The following COMMD1 variants were observed in gnomAD, a reference collection of about 807,000 sequenced individuals.
COMMD1 encodes the protein copper metabolism domain containing 1.
In COMMD1, 10 loss-of-function variants were observed where a neutral mutation model predicts 17.2. The observed-to-expected ratio is 0.58, with a 90% CI of 0.36 to 0.99. COMMD1 has a LOEUF of 0.99. Ranked by LOEUF, COMMD1 falls within the 50% of genes least tolerant of loss-of-function variation. The pLI, the probability that COMMD1 is intolerant of heterozygous loss-of-function variation, is 0.01. For missense variants in COMMD1, 270 were observed against 231.8 expected (o/e 1.17, Z -1.07); for synonymous variants, 97 against 91.6 (o/e 1.06, Z -0.34).
At chr2:61,903,269 C>T (rs963993700), upstream of COMMD1, among the ~76,000 whole-genome samples, 11 of 151,960 alleles carry the variant, frequency 7.2e-5, no homozygotes, top group African/African-American at 2.4e-4. Flanking sequence ...CATGGTGAAA[C>T]CCCTTCTCTA....
chr2:62,077,914 C>G (rs773247562), intron 2 of COMMD1, among the ~76,000 whole-genome samples: 85 of 152,160 alleles, frequency 5.6e-4, no homozygotes, highest in Non-Finnish European at 9.3e-4. Flanking sequence ...TAAAATTCTT[C>G]TGTTTGACAA....
intron 2 of COMMD1, among the ~76,000 whole-genome samples, chr2:62,072,376 C>G (rs138272544): frequency 1.7e-3 from 263 of 152,280 alleles, no homozygotes; most frequent in African/African-American, 6.2e-3. Flanking sequence ...CTCCCCCATT[C>G]TGAGCCCATA....
chr2:61,895,901 C>T (rs959237732), intron 1 of COMMD1, among the ~76,000 whole-genome samples: 7 of 151,966 alleles, frequency 4.6e-5, no homozygotes, highest in Non-Finnish European at 8.8e-5. Context: ...TCCAGTCCAC[C>T]CATGGACCAG....
At chr2:61,952,886 A>G (rs1195023221) in intron 1 of COMMD1, among the ~76,000 whole-genome samples, 1 of 152,222 alleles carries the variant, frequency 6.6e-6, no homozygotes, top group East Asian at 1.9e-4. Flanking sequence ...GTGTATGTTC[A>G]ACTTTTAAAG....
At chr2:61,903,443 CAA>C (rs773444105), upstream of COMMD1, among the ~76,000 whole-genome samples, 15 of 109,924 alleles carry the variant, frequency 1.4e-4, no homozygotes, top group Non-Finnish European at 1.4e-4. Context: ...AACTTTGTCT[CAA>C]AAAAAAAAAA....
chr2:62,117,122 A>T (rs1251437268), intron 2 of COMMD1, among the ~76,000 whole-genome samples: 2 of 152,106 alleles, frequency 1.3e-5, no homozygotes, highest in African/African-American at 4.8e-5. Flanking sequence ...CCACAGAAAG[A>T]TAGAAGGAAT....
intron 2 of COMMD1, among the ~76,000 whole-genome samples, chr2:62,063,868 A>AGT (rs1670947199): frequency 1.2e-5 from 1 of 81,176 alleles, no homozygotes; most frequent in South Asian, 4.3e-4. Context: ...GTCTCTACAA[A>AGT]ATATATATAT....
chr2:61,889,669 G>A (rs1338579507), intron 1 of COMMD1, among the ~76,000 whole-genome samples: 2 of 152,078 alleles, frequency 1.3e-5, no homozygotes, highest in African/African-American at 4.8e-5. Context: ...AGAAAAGGGA[G>A]ATTTGGAATG....
chr2:62,029,000 T>C (rs1252612041), intron 2 of COMMD1, among the ~76,000 whole-genome samples: 1 of 152,176 alleles, frequency 6.6e-6, no homozygotes, highest in African/African-American at 2.4e-5. Flanking sequence ...TAGGAAGATA[T>C]GGTTGACTCT....
chr2:61,937,911 G>A (rs775105223), intron 1 of COMMD1, among the ~76,000 whole-genome samples: 4 of 152,076 alleles, frequency 2.6e-5, no homozygotes, highest in Non-Finnish European at 4.4e-5. Flanking sequence ...GATTTGGAGG[G>A]TCTGACCTTG....
chr2:62,000,913 G>T lies in COMMD1; in HGVS notation c.393G>T (p.Gln131His), dbSNP rs1171291356. The change falls in exon 2 of 3, where the codon CAG becomes CAT. Residue 131 changes from glutamine (Q) to histidine (H), a missense_variant. Coordinates refer to ENST00000311832, the MANE Select transcript of COMMD1 (RefSeq NM_152516.4). The stretch of plus-strand genomic sequence containing the variant: ...GCTGGAGAGTTGATGGCAAGTCTCA[G>T]TCAAGGCACTCAGCTCAAATACACA... ...GLSWRVDGKS[Q>H]SRHSAQIHTP... 42 of 1,614,212 alleles carry T rather than the reference G, an allele frequency of 2.6e-5. No individual in the cohort carries two copies. Among genetic ancestry groups the T allele is most frequent in the Non-Finnish European group, 3.5e-5 (41 of 1,180,024 alleles).
intron 1 of COMMD1, among the ~76,000 whole-genome samples, chr2:61,941,867 G>C (rs1670757251): frequency 6.6e-6 from 1 of 152,186 alleles, no homozygotes; most frequent in South Asian, 2.1e-4. Context: ...AAACAGAACA[G>C]TTCCTTTACA....
chr2:62,100,175 C>G (rs1672137634), intron 2 of COMMD1: 1 of 151,946 alleles, frequency 6.6e-6, no homozygotes. Context: ...GTCCAGGACT[C>G]AGGAGGACTT....
At chr2:61,952,960 A>C (rs894159804) in intron 1 of COMMD1, among the ~76,000 whole-genome samples, 1 of 152,236 alleles carries the variant, frequency 6.6e-6, no homozygotes, top group African/African-American at 2.4e-5. Context: ...CTAACAGTTC[A>C]TAATAGTTTC....
rs1270295215 is a variant in COMMD1 at position 62,013,195 on chromosome 2, T to C, written c.462+12213T>C. Among the ~76,000 whole-genome samples the C allele has an allele frequency of 4.3e-4, 65 of 151,954 alleles. 1 individual carries two copies. Among genetic ancestry groups the C allele is most frequent in the Admixed American group, 4.3e-3 (65 of 15,266 alleles). On this transcript the variant is annotated intron_variant, in intron 2 of 2. Coordinates refer to ENST00000311832, the MANE Select transcript of COMMD1 (RefSeq NM_152516.4). Reference sequence around the variant, plus strand: ...AGGTTGGAATTGCTTTTCTGCACATTAAAAGCAATTCTCTTTTTCCTTGAA... The same window carrying C: ...AGGTTGGAATTGCTTTTCTGCACATCAAAAGCAATTCTCTTTTTCCTTGAA...
intron 2 of COMMD1, among the ~76,000 whole-genome samples, chr2:62,078,552 CAA>C (rs34983790): frequency 1.3e-4 from 11 of 86,874 alleles, no homozygotes; most frequent in Admixed American, 1.4e-4. Context: ...GACTCCGTCT[CAA>C]AAAAAAAAAA....
intron 1 of COMMD1, among the ~76,000 whole-genome samples, chr2:61,924,922 A>G (rs28820918): frequency 0.12 from 17,631 of 152,172 alleles, 2,399 homozygotes; most frequent in African/African-American, 0.33. Context: ...TAACTGCTGT[A>G]TCAGGCGTCC....
intron 2 of COMMD1, among the ~76,000 whole-genome samples, chr2:62,069,292 T>C (rs1671136711): frequency 6.6e-6 from 1 of 152,154 alleles, no homozygotes; most frequent in South Asian, 2.1e-4. Context: ...CCACCATGCC[T>C]GGTCAACATC....
At chr2:61,952,341 C>G (rs1671080076) in intron 1 of COMMD1, among the ~76,000 whole-genome samples, 1 of 152,156 alleles carries the variant, frequency 6.6e-6, no homozygotes, top group African/African-American at 2.4e-5. Flanking sequence ...ATAATCCTTT[C>G]CTGCTCAGGA....
Sources: allele counts gnomAD v4.1 joint callset (sites outside exome capture counted in the v4.1 genomes callset), GRCh38; gene constraint gnomAD v4.1.1; transcripts MANE v1.5; gene names NCBI Gene and HGNC (gene_info 2026-07-23, HGNC 2026-07-21).